The following RIMS2 variants were observed in gnomAD, a reference collection of about 807,000 sequenced individuals.
RIMS2 encodes regulating synaptic membrane exocytosis protein 2.
In RIMS2, 59 loss-of-function variants were observed where a neutral mutation model predicts 174.4. The ratio of observed to expected loss-of-function variants is 0.34; its 90% CI spans 0.27 to 0.42. RIMS2 has a LOEUF of 0.42. Among genes scored for constraint, RIMS2 ranks in the 10% least tolerant of loss-of-function variants. RIMS2 has a pLI of 1.00. For missense variants in RIMS2, 1,620 were observed against 1,666.3 expected, an observed-to-expected ratio of 0.97 and a Z score of 0.48; for synonymous variants, 606 against 572.5, an observed-to-expected ratio of 1.06 and a Z score of -0.84.
chr8:103,954,236 A>G (rs55959188), intron 14 of RIMS2, among the ~76,000 whole-genome samples: 101,596 of 151,934 alleles, frequency 0.67, 34,775 homozygotes, highest in African/African-American at 0.7. Context: ...CTTGAACCCA[A>G]CTCTGACCAA....
chr8:104,197,732 G>A (rs562935266), intron 19 of RIMS2, among the ~76,000 whole-genome samples: 1 of 152,214 alleles, frequency 6.6e-6, no homozygotes, highest in South Asian at 2.1e-4. Context: ...TTCTGGGGTT[G>A]GTGGTCAGGG....
chr8:104,017,216 G>C (rs746985283), intron 19 of RIMS2, among the ~76,000 whole-genome samples: 2 of 151,690 alleles, frequency 1.3e-5, no homozygotes, highest in Non-Finnish European at 2.9e-5. Context: ...ACACAAAATA[G>C]ACTATCAGTT....
At chr8:104,116,257 C>T (rs1405857650) in intron 19 of RIMS2, among the ~76,000 whole-genome samples, 1 of 151,966 alleles carries the variant, frequency 6.6e-6, no homozygotes, top group East Asian at 1.9e-4. Flanking sequence ...TCTCAGATAA[C>T]AAGCAAAATA....
At chr8:104,021,851 G>A (rs1020739388) in intron 19 of RIMS2, among the ~76,000 whole-genome samples, 1 of 152,148 alleles carries the variant, frequency 6.6e-6, no homozygotes, top group African/African-American at 2.4e-5. Context: ...CTCCCTGAAG[G>A]CTAAGAGATT....
intron 1 of RIMS2, among the ~76,000 whole-genome samples, chr8:103,649,796 G>A (rs1408489784): frequency 6.6e-6 from 1 of 151,834 alleles, no homozygotes; most frequent in East Asian, 1.9e-4. Flanking sequence ...CTCTAAACTG[G>A]CTATTCTGGC....
At chr8:104,038,793 T>C (rs947865419) in intron 19 of RIMS2, among the ~76,000 whole-genome samples, 1 of 151,758 alleles carries the variant, frequency 6.6e-6, no homozygotes, top group Admixed American at 6.6e-5. Flanking sequence ...CCACAGGAAA[T>C]CCAAAAAACC....
At chr8:103,988,221 A>G (rs1276571996) in intron 16 of RIMS2, among the ~76,000 whole-genome samples, 3 of 152,250 alleles carry the variant, frequency 2.0e-5, no homozygotes, top group Non-Finnish European at 4.4e-5. Flanking sequence ...AATAATATAT[A>G]TACATTTACA....
Position 103,734,014 on chromosome 8 carries a change from C to CTTTTTTT in RIMS2, c.388-32194_388-32188dup, listed in dbSNP as rs59348302. 5.0e-3 allele frequency among the ~76,000 whole-genome samples: 431 copies of CTTTTTTT among 85,710 alleles called. 19 individuals are homozygous for CTTTTTTT. The highest frequency in any genetic ancestry group is 0.011 in the Middle Eastern group (1 of 90). The allele number at this position is 85,710 out of a possible 152,430, so 56.2% of individuals were successfully genotyped here. A position where few individuals can be genotyped will look rare whatever the true frequency, so the allele number is the denominator to read the frequency against. ...CTTGCTTTACCTCTCCTAAAAGCTTCTTTTTTTTTTTTTTTTTTTTTTTTT... is the reference window on the plus strand; with the variant it reads ...CTTGCTTTACCTCTCCTAAAAGCTTCTTTTTTTTTTTTTTTTTTTTTTTTTTTTTTTT... On this transcript the variant is annotated intron_variant, in intron 2 of 23. Transcript: ENST00000504942.
At chr8:103,847,826 C>T (rs1488747114) in intron 3 of RIMS2, among the ~76,000 whole-genome samples, 1 of 152,002 alleles carries the variant, frequency 6.6e-6, no homozygotes, top group Non-Finnish European at 1.5e-5. Flanking sequence ...GTAGAATATG[C>T]TGTTGGGCAC....
At chr8:103,856,064 T>C (rs181040758) in intron 3 of RIMS2, among the ~76,000 whole-genome samples, 1 of 152,310 alleles carries the variant, frequency 6.6e-6, no homozygotes, top group Admixed American at 6.5e-5. Context: ...GTTGCATGCA[T>C]ATGTATTTAG....
chr8:103,901,822 G>C (rs1395828557), intron 4 of RIMS2, among the ~76,000 whole-genome samples: 2 of 151,926 alleles, frequency 1.3e-5, no homozygotes, highest in Non-Finnish European at 2.9e-5. Flanking sequence ...TTTTGTATTG[G>C]AGCTTAAGAC....
intron 3 of RIMS2, among the ~76,000 whole-genome samples, chr8:103,802,945 T>C (rs1489411028): frequency 6.6e-6 from 1 of 152,230 alleles, no homozygotes; most frequent in African/African-American, 2.4e-5. Flanking sequence ...GGCATTTAAA[T>C]TGGTCAATTC....
chr8:103,595,675 T>C (rs1468928196), intron 1 of RIMS2, among the ~76,000 whole-genome samples: 2 of 151,952 alleles, frequency 1.3e-5, no homozygotes, highest in African/African-American at 2.4e-5. Context: ...TAATTTTCTG[T>C]ACTTAGCAGT....
chr8:104,251,147 A>G (rs753300028), exon 23 of RIMS2: 3 of 1,611,876 alleles, frequency 1.9e-6, no homozygotes, highest in Non-Finnish European at 2.5e-6. Context: ...GAGAGTCCAC[A>G]AGGAAAAGTT....
At chr8:103,905,215 T>G (rs1319426790) in intron 4 of RIMS2, among the ~76,000 whole-genome samples, 1 of 152,056 alleles carries the variant, frequency 6.6e-6, no homozygotes, top group Non-Finnish European at 1.5e-5. Context: ...ACTTTCAGAT[T>G]CCTTCTTTTT....
chr8:103,885,586 C>G lies in RIMS2; in HGVS notation c.987C>G (p.Tyr329Ter). ...AAAGGCAAAGGAGAGAGGAAGAGTA[C>G]CAGTCACGCTACCGAAGTGATCCGA... is the stretch of plus-strand genomic sequence containing the variant. Residue 329 changes from tyrosine (Y) to a stop codon, truncating the protein, a stop_gained, in exon 4 of 24, where the codon TAC becomes TAG. Coordinates refer to ENST00000504942, the Ensembl canonical transcript of RIMS2. LOFTEE classifies it high-confidence loss of function. 6.2e-7 allele frequency: 1 copy of G among 1,612,808 alleles called. No individual in the cohort carries two copies. The highest frequency in any genetic ancestry group is 8.5e-7 in the Non-Finnish European group (1 of 1,179,372).
At chr8:104,218,295 C>CT (rs901822237) in intron 19 of RIMS2, among the ~76,000 whole-genome samples, 42 of 151,606 alleles carry the variant, frequency 2.8e-4, no homozygotes, top group South Asian at 1.3e-3. Context: ...AGCCTTACTG[C>CT]TTTTTTTTTC....
chr8:103,574,382 G>A (rs571837873), intron 1 of RIMS2, among the ~76,000 whole-genome samples: 1 of 152,262 alleles, frequency 6.6e-6, no homozygotes, highest in East Asian at 1.9e-4. Flanking sequence ...TTTCCACTAA[G>A]CTTTGTTATA....
chr8:103,696,135 C>T (rs1483916785), intron 1 of RIMS2, among the ~76,000 whole-genome samples: 1 of 152,024 alleles, frequency 6.6e-6, no homozygotes, highest in Non-Finnish European at 1.5e-5. Context: ...GTTTTATATT[C>T]CCCACCTATT....
Sources: allele counts gnomAD v4.1 joint callset (sites outside exome capture counted in the v4.1 genomes callset), GRCh38; gene constraint gnomAD v4.1.1; transcripts MANE v1.5; gene names NCBI Gene and HGNC (gene_info 2026-07-23, HGNC 2026-07-21).